The following BRD4 variants were observed in gnomAD, a reference collection of about 807,000 sequenced individuals.
BRD4 encodes the protein bromodomain containing 4.
BRD4 carries 16 observed loss-of-function variants against 142.1 expected under a neutral mutation model. That is an observed-to-expected ratio of 0.11 (90% CI 0.08 to 0.17). The LOEUF (loss-of-function observed/expected upper bound fraction) is 0.17, where lower values mean the gene tolerates loss of function less well. BRD4 is among the 10% of genes least tolerant of loss of function. BRD4 has a pLI of 1.00. For synonymous variants in BRD4, 833 were observed against 707.5 expected (o/e 1.18, Z -2.82); for missense variants, 1,424 against 1,810.9 (o/e 0.79, Z 3.88).
At chr19:15,274,820 C>T (rs1323720070) in intron 1 of BRD4, among the ~76,000 whole-genome samples, 1 of 152,116 alleles carries the variant, frequency 6.6e-6, no homozygotes, top group Admixed American at 6.5e-5. Flanking sequence ...TCTTCTTCAC[C>T]TTCTCACCAG....
At chr19:15,278,856 T>C (rs2047678152) in intron 1 of BRD4, among the ~76,000 whole-genome samples, 1 of 152,180 alleles carries the variant, frequency 6.6e-6, no homozygotes, top group Non-Finnish European at 1.5e-5. Flanking sequence ...TCTTTTCTTT[T>C]TTGAGACGGA....
intron 1 of BRD4, among the ~76,000 whole-genome samples, chr19:15,291,536 T>G (rs1262339347): frequency 6.6e-6 from 1 of 152,230 alleles, no homozygotes; most frequent in African/African-American, 2.4e-5. Flanking sequence ...CTGTGGTTCC[T>G]AATCTCTTCT....
intron 1 of BRD4, among the ~76,000 whole-genome samples, chr19:15,308,893 T>C (rs1375137963): frequency 1.3e-5 from 2 of 151,776 alleles, no homozygotes; most frequent in Admixed American, 1.3e-4. Context: ...CACACGACTG[T>C]AGCCCCAGCT....
chr19:15,321,078 A>G (rs2048057390), intron 1 of BRD4, among the ~76,000 whole-genome samples: 2 of 152,138 alleles, frequency 1.3e-5, no homozygotes. Context: ...TACTAAAAAT[A>G]CAAAAACTAG....
intron 1 of BRD4, among the ~76,000 whole-genome samples, chr19:15,314,008 A>AT (rs142799419): frequency 2.2e-4 from 33 of 152,312 alleles, no homozygotes; most frequent in Non-Finnish European, 4.3e-4. Flanking sequence ...CTCAGGGGCT[A>AT]TCCTGCCTGA....
rs758467136 is a variant in BRD4 at position 15,239,010 on chromosome 19, A to C, written c.3783-30T>G. The C allele has an allele frequency of 6.3e-7, 1 of 1,576,954 alleles. No homozygotes were observed. Among genetic ancestry groups the C allele is most frequent in the Non-Finnish European group, 8.6e-7 (1 of 1,163,702 alleles). Reference sequence around the variant, plus strand: ...GCAGAGGGTCCCAGTCAGCCTGGGGACTGGTGTGGCCCCAAGAGTCCCCAT... The same window carrying C: ...GCAGAGGGTCCCAGTCAGCCTGGGGCCTGGTGTGGCCCCAAGAGTCCCCAT... On this transcript the variant is annotated intron_variant, in intron 18 of 19. Transcript: ENST00000679869. This position sits in a 1 kb window ranked among gnomAD's most constrained non-coding sequence, Gnocchi z 7.4.
rs562862448 is a variant in BRD4, at chr19:15,237,631, G to GAA, written c.*744_*745dup. 5.1e-4 allele frequency: 94 copies of GAA among 185,248 alleles called. No homozygotes were observed. Among genetic ancestry groups the GAA allele is most frequent in the Middle Eastern group, 3.5e-3 (2 of 564 alleles). 11.5% of individuals were successfully genotyped at this position (185,248 alleles called of 1,614,324 possible). On this transcript the variant is annotated 3_prime_UTR_variant, in exon 20 of 20. Transcript: ENST00000679869. ...ACAAAAAATATATATAGAAAAAAAAGAAAAAAAAAAACGAAACAGAAACAC... is the reference window on the plus strand; with the variant it reads ...ACAAAAAATATATATAGAAAAAAAAGAAAAAAAAAAAAACGAAACAGAAACAC...
Position 15,238,222 on chromosome 19 carries a change from C to A in BRD4, c.*155G>T. 1 of 1,247,714 alleles carries A rather than the reference C, an allele frequency of 8.0e-7. No individual in the cohort carries two copies. Among genetic ancestry groups the A allele is most frequent in the Non-Finnish European group, 1.1e-6 (1 of 909,206 alleles). 77.3% of individuals were successfully genotyped at this position (1,247,714 alleles called of 1,614,324 possible). On this transcript the variant is annotated 3_prime_UTR_variant, in exon 20 of 20. Coordinates refer to ENST00000679869, the MANE Select transcript of BRD4 (RefSeq NM_001379291.1). This position sits in a 1 kb window ranked among gnomAD's most constrained non-coding sequence, Gnocchi z 7.2. ...TAAGGCAGACAGGCTCTGCAATCCT[C>A]AGCTGCCCGTCAGGCCTGCCCCGGG...
intron 4 of BRD4, among the ~76,000 whole-genome samples, chr19:15,266,083 C>T (rs942250283): frequency 6.6e-6 from 1 of 152,234 alleles, no homozygotes; most frequent in Non-Finnish European, 1.5e-5. Flanking sequence ...TGGAAACTGG[C>T]AGGCCCCCAC....
rs138362555 is a variant in BRD4, at chr19:15,251,982, T to C, written c.2158+2170A>G. ...GCCTGGGAGCCAGCGGCTCTGAGAC[T>C]GTAAATCTCGCCCTCCTTCCCGCCA... is the stretch of plus-strand genomic sequence containing the variant. On this transcript the variant is annotated intron_variant, in intron 11 of 19. Coordinates refer to ENST00000679869, the MANE Select transcript of BRD4 (RefSeq NM_001379291.1). Among the ~76,000 whole-genome samples the C allele has an allele frequency of 8.5e-4, 130 of 152,348 alleles. 1 individual carries two copies. Among genetic ancestry groups the C allele is most frequent in the African/African-American group, 3.0e-3 (123 of 41,574 alleles).
chr19:15,278,105 C>CAAA lies in BRD4; in HGVS notation c.-34-4975_-34-4973dup, dbSNP rs59204229. On this transcript the variant is annotated intron_variant, in intron 1 of 19. Transcript: ENST00000679869. ...TGGGAGACAGAGCAAGACTCCGTCT[C>CAAA]AAAAAAAAAAAAAAAAAAAAAAAAA... 5.5e-4 allele frequency among the ~76,000 whole-genome samples: 30 copies of CAAA among 55,034 alleles called. 1 individual carries two copies. The highest frequency in any genetic ancestry group is 1.6e-3 in the East Asian group (2 of 1,252). 36.1% of individuals were successfully genotyped at this position (55,034 alleles called of 152,430 possible).
In BRD4 at chr19:15,257,097, A is replaced by C; in HGVS notation, c.1418T>G (p.Val473Gly). Residue 473 changes from valine (V) to glycine (G), a missense_variant, in exon 8 of 20, where the codon GTG becomes GGG. Physicochemically the swap from Val to Gly is moderately radical, Grantham distance 109. Around this residue, in one of 16 missense-constraint regions of BRD4, gnomAD observed 90 missense variants for 93.2 expected, o/e 0.97. Coordinates refer to ENST00000679869, the MANE Select transcript of BRD4 (RefSeq NM_001379291.1). Reference protein sequence around the residue: ...EPVVAVSSPAVPPPTKVVAPP... With the variant: ...EPVVAVSSPAGPPPTKVVAPP... Reference sequence around the variant, plus strand: ...GGCCACAACCTTGGTGGGAGGGGGCACTGCCGGGGAGGACACGGCCACCAC... The same window carrying C: ...GGCCACAACCTTGGTGGGAGGGGGCCCTGCCGGGGAGGACACGGCCACCAC... The C allele has an allele frequency of 6.2e-7, 1 of 1,608,528 alleles. No homozygotes were observed.
intron 1 of BRD4, among the ~76,000 whole-genome samples, chr19:15,325,059 C>T (rs1401322898): frequency 6.6e-6 from 1 of 152,168 alleles, no homozygotes; most frequent in Non-Finnish European, 1.5e-5. Flanking sequence ...TGACCCCTGG[C>T]TTCCTCTTCC....
chr19:15,324,477 C>T (rs2048091186), intron 1 of BRD4, among the ~76,000 whole-genome samples: 1 of 152,200 alleles, frequency 6.6e-6, no homozygotes, highest in Non-Finnish European at 1.5e-5. Context: ...ATGCCAGACT[C>T]CCAGTCAGGA....
intron 11 of BRD4, among the ~76,000 whole-genome samples, chr19:15,250,584 C>T (rs775087371): frequency 6.6e-6 from 1 of 152,212 alleles, no homozygotes; most frequent in Non-Finnish European, 1.5e-5. Context: ...ACTGCGCTCC[C>T]GTTCCAACTA....
chr19:15,239,738 G>A lies in BRD4; in HGVS notation c.3366C>T (p.Ser1122=), dbSNP rs573909313. Reference sequence around the variant, plus strand: ...GCCGCAGCGAGGGGCTGAAGGGCTCGCTGCGGATGATGGGTGAGTGGATCT... The same window carrying A: ...GCCGCAGCGAGGGGCTGAAGGGCTCACTGCGGATGATGGGTGAGTGGATCT... The part of the protein sequence containing the change: ...EEKIHSPIIR[S]EPFSPSLRPE... Residue 1122 remains serine, a synonymous_variant, in exon 16 of 20, where the codon AGC becomes AGT. Transcript: ENST00000679869. This position sits in a 1 kb window ranked among gnomAD's most constrained non-coding sequence, Gnocchi z 7.4. 1.2e-5 allele frequency: 20 copies of A among 1,606,408 alleles called. No individual in the cohort carries two copies. The highest frequency in any genetic ancestry group is 1.7e-4 in the Middle Eastern group (1 of 6,054).
At chr19:15,277,401 A>G (rs2047658970) in intron 1 of BRD4, among the ~76,000 whole-genome samples, 1 of 152,214 alleles carries the variant, frequency 6.6e-6, no homozygotes, top group South Asian at 2.1e-4. Flanking sequence ...AACTATCAGC[A>G]CAAGGCAATT....
chr19:15,279,656 G>T (rs1474165520), intron 1 of BRD4, among the ~76,000 whole-genome samples: 1 of 152,170 alleles, frequency 6.6e-6, no homozygotes, highest in Non-Finnish European at 1.5e-5. Flanking sequence ...TTAGTTCTGG[G>T]ACTCTAAAGG....
chr19:15,296,723 C>T (rs547211378), intron 1 of BRD4, among the ~76,000 whole-genome samples: 3 of 152,260 alleles, frequency 2.0e-5, no homozygotes, highest in South Asian at 4.2e-4. Context: ...CTCCGTCCAG[C>T]GGCAGAGCTT....
Sources: allele counts gnomAD v4.1 joint callset (sites outside exome capture counted in the v4.1 genomes callset), GRCh38; gene constraint gnomAD v4.1.1; regional missense constraint gnomAD v4.1.1; non-coding constraint Gnocchi (gnomAD v3.1); transcripts MANE v1.5; gene names NCBI Gene and HGNC (gene_info 2026-07-23, HGNC 2026-07-21).